FBXL7: variants seen among roughly 807,000 people sequenced by gnomAD.
FBXL7 encodes the protein F-box/LRR-repeat protein 7.
In FBXL7, 12 loss-of-function variants were observed where a neutral mutation model predicts 38.3. That is an observed-to-expected ratio of 0.31 (90% CI 0.20 to 0.51). The LOEUF is 0.51. Among genes scored for constraint, FBXL7 ranks in the 20% least tolerant of loss-of-function variants. FBXL7 has a pLI of 0.98. For synonymous variants in FBXL7, 297 were observed against 300.9 expected (o/e 0.99, Z 0.13); for missense variants, 567 against 676.4 (o/e 0.84, Z 1.79).
Position 15,634,704 on chromosome 5 carries a change from G to A in FBXL7, c.127+18632G>A, listed in dbSNP as rs137988555. On this transcript the variant is annotated intron_variant, in intron 2 of 3. Transcript: ENST00000504595. ...ACATCACAAATCTGTCTGACAGTTC[G>A]GGAGGTCAGAAGTCTGAAGCGAGTC... Among the ~76,000 whole-genome samples the A allele has an allele frequency of 3.7e-3, 558 of 152,214 alleles. 1 individual carries two copies. The highest frequency in any genetic ancestry group is 6.0e-3 in the Non-Finnish European group (405 of 68,016).
chr5:15,599,111 G>T (rs1739712929), intron 1 of FBXL7, among the ~76,000 whole-genome samples: 1 of 152,128 alleles, frequency 6.6e-6, no homozygotes, highest in Non-Finnish European at 1.5e-5. Flanking sequence ...AAATAGAATT[G>T]CAGCTTCCCA....
At chr5:15,865,711 T>G (rs983105390) in intron 2 of FBXL7, among the ~76,000 whole-genome samples, 10 of 151,998 alleles carry the variant, frequency 6.6e-5, no homozygotes, top group Non-Finnish European at 1.3e-4. Flanking sequence ...TCTTCCCTCC[T>G]CCCTTCTCTC....
intron 2 of FBXL7, among the ~76,000 whole-genome samples, chr5:15,795,122 G>T (rs2126735160): frequency 6.6e-6 from 1 of 152,234 alleles, no homozygotes; most frequent in Admixed American, 6.5e-5. Context: ...TGTCCAGTCT[G>T]GTTTCTGTTT....
intron 1 of FBXL7, among the ~76,000 whole-genome samples, chr5:15,605,114 C>T (rs1232270003): frequency 6.6e-6 from 1 of 152,178 alleles, no homozygotes; most frequent in African/African-American, 2.4e-5. Context: ...CCTGGGGCTG[C>T]AGCAGGGCAG....
intron 1 of FBXL7, among the ~76,000 whole-genome samples, chr5:15,522,379 T>C (rs1383152065): frequency 6.6e-6 from 1 of 152,234 alleles, no homozygotes; most frequent in African/African-American, 2.4e-5. Flanking sequence ...TTCTCATAAT[T>C]GTATTCAGAG....
intron 2 of FBXL7, among the ~76,000 whole-genome samples, chr5:15,681,970 C>A (rs534337073): frequency 6.6e-6 from 1 of 152,302 alleles, no homozygotes; most frequent in Admixed American, 6.5e-5. Context: ...GTAAACACAG[C>A]GTGTCATTCA....
At chr5:15,553,087 A>AC (rs1289672051) in intron 1 of FBXL7, among the ~76,000 whole-genome samples, 2 of 146,936 alleles carry the variant, frequency 1.4e-5, no homozygotes, top group Admixed American at 6.7e-5. Context: ...TGTCAAAAAA[A>AC]AAAAACAAAA....
At chr5:15,766,903 G>GA (rs1736605706) in intron 2 of FBXL7, among the ~76,000 whole-genome samples, 4 of 152,208 alleles carry the variant, frequency 2.6e-5, no homozygotes, top group Non-Finnish European at 5.9e-5. Context: ...GAAGAATACA[G>GA]TTTTTTACTC....
At chr5:15,851,841 C>T (rs1288733978) in intron 2 of FBXL7, among the ~76,000 whole-genome samples, 1 of 149,168 alleles carries the variant, frequency 6.7e-6, no homozygotes, top group East Asian at 1.9e-4. Context: ...CACACACACA[C>T]ACACACACAA....
chr5:15,695,257 C>T (rs1257073720), intron 2 of FBXL7, among the ~76,000 whole-genome samples: 3 of 152,002 alleles, frequency 2.0e-5, no homozygotes, highest in African/African-American at 4.8e-5. Context: ...AGGAATCCTC[C>T]CCCAAAACAG....
At chr5:15,792,881 A>G (rs1234010034) in intron 2 of FBXL7, among the ~76,000 whole-genome samples, 2 of 152,202 alleles carry the variant, frequency 1.3e-5, no homozygotes, top group Non-Finnish European at 2.9e-5. Flanking sequence ...TCCCAACCCT[A>G]TAGTCCATCT....
intron 2 of FBXL7, among the ~76,000 whole-genome samples, chr5:15,691,229 G>A (rs1561087276): frequency 1.3e-5 from 2 of 152,196 alleles, no homozygotes; most frequent in Non-Finnish European, 1.5e-5. Flanking sequence ...CCTTTCATCA[G>A]GACATCACAT....
intron 2 of FBXL7, among the ~76,000 whole-genome samples, chr5:15,840,377 TAAG>T (rs1035972457): frequency 3.3e-5 from 5 of 152,226 alleles, no homozygotes; most frequent in African/African-American, 1.2e-4. Context: ...TTTTCCAAGT[TAAG>T]AATAGAGCTT....
intron 3 of FBXL7, among the ~76,000 whole-genome samples, chr5:15,931,179 A>T (rs1561193552): frequency 6.6e-6 from 1 of 152,234 alleles, no homozygotes; most frequent in East Asian, 1.9e-4. Context: ...AGTAGCATTA[A>T]ACATCATTGC....
intron 2 of FBXL7, among the ~76,000 whole-genome samples, chr5:15,794,474 A>AG (rs35222070): frequency 0.54 from 82,666 of 151,996 alleles, 23,584 homozygotes; most frequent in Non-Finnish European, 0.64. Context: ...CCCTAAGTTC[A>AG]GAACAACAAA....
At chr5:15,588,456 G>A (rs992164585) in intron 1 of FBXL7, among the ~76,000 whole-genome samples, 31 of 149,064 alleles carry the variant, frequency 2.1e-4, no homozygotes, top group African/African-American at 5.7e-4. Context: ...GCACGATCTC[G>A]GGTCACTGCA....
intron 2 of FBXL7, among the ~76,000 whole-genome samples, chr5:15,822,983 G>T (rs1204380481): frequency 6.6e-6 from 1 of 152,018 alleles, no homozygotes; most frequent in African/African-American, 2.4e-5. Flanking sequence ...CCATTCCAGG[G>T]ACCACTGAGA....
chr5:15,567,046 C>A (rs888180389), intron 1 of FBXL7, among the ~76,000 whole-genome samples: 2 of 152,092 alleles, frequency 1.3e-5, no homozygotes, highest in Non-Finnish European at 1.5e-5. Flanking sequence ...TATGATCTTA[C>A]CACACTCATA....
rs141119135 is a variant in FBXL7, at chr5:15,634,352, C to T, written c.127+18280C>T. Among the ~76,000 whole-genome samples, 833 of 128,814 alleles carry T rather than the reference C, an allele frequency of 6.5e-3. 6 individuals carry two copies. Among genetic ancestry groups the T allele is most frequent in the African/African-American group, 0.023 (782 of 34,718 alleles). 84.5% of individuals were successfully genotyped at this position (128,814 alleles called of 152,430 possible). A position where few individuals can be genotyped will look rare whatever the true frequency, so the allele number is the denominator to read the frequency against. On this transcript the variant is annotated intron_variant, in intron 2 of 3. Transcript: ENST00000504595. ...TTTTTTTTTTTAAAAGACAGAGTCT[C>T]GTTCTGTTGCCCAGTCTGGAGTGCA... is the stretch of plus-strand genomic sequence containing the variant.
Sources: gnomAD v4.1 joint callset for allele counts (sites outside exome capture counted in the v4.1 genomes callset) on GRCh38, gnomAD v4.1.1 for gene constraint, MANE v1.5 for transcripts, NCBI Gene and HGNC (gene_info 2026-07-23, HGNC 2026-07-21) for gene names.